The following GNAZ variants were observed in gnomAD, a reference collection of about 807,000 sequenced individuals.
The protein encoded by GNAZ is guanine nucleotide-binding protein G(z) subunit alpha.
In GNAZ, 3 loss-of-function variants were observed where a neutral mutation model predicts 25.4. The observed-to-expected ratio is 0.12, with a 90% confidence interval of 0.05 to 0.30. The LOEUF is 0.30. GNAZ is among the 10% of genes least tolerant of loss of function. The pLI, the probability that GNAZ is intolerant of heterozygous loss-of-function variation, is 1.00. For synonymous variants in GNAZ, 211 were observed against 205.7 expected (o/e 1.03, Z -0.22); for missense variants, 241 against 501.8 (o/e 0.48, Z 4.97).
chr22:23,115,508 T>G (rs948484040), intron 2 of GNAZ, among the ~76,000 whole-genome samples: 3 of 152,070 alleles, frequency 2.0e-5, no homozygotes, highest in Non-Finnish European at 4.4e-5. Flanking sequence ...GCGTCTGGCC[T>G]CCTGGAGGGG....
At chr22:23,116,897 A>C (rs1284925686) in intron 2 of GNAZ, among the ~76,000 whole-genome samples, 1 of 152,104 alleles carries the variant, frequency 6.6e-6, no homozygotes, top group Non-Finnish European at 1.5e-5. Flanking sequence ...TGGGAGGGGG[A>C]CAGGCCCCTG....
intron 2 of GNAZ, among the ~76,000 whole-genome samples, chr22:23,097,751 T>C (rs1042439453): frequency 6.6e-6 from 1 of 152,228 alleles, no homozygotes; most frequent in Non-Finnish European, 1.5e-5. Flanking sequence ...TGATGAGGCA[T>C]GGCCGTGGGC....
At chr22:23,094,544 A>G (rs776512791) in intron 1 of GNAZ, among the ~76,000 whole-genome samples, 1 of 152,196 alleles carries the variant, frequency 6.6e-6, no homozygotes, top group Non-Finnish European at 1.5e-5. Context: ...CACCACGTGC[A>G]GCCCCCAGCT....
intron 1 of GNAZ, among the ~76,000 whole-genome samples, chr22:23,078,487 C>A (rs1313538521): frequency 6.7e-6 from 1 of 148,588 alleles, no homozygotes; most frequent in Non-Finnish European, 1.5e-5. Flanking sequence ...ACTGACACCC[C>A]CATCTCTGTC....
chr22:23,121,809 C>A (rs2070036537), intron 2 of GNAZ, among the ~76,000 whole-genome samples: 1 of 151,452 alleles, frequency 6.6e-6, no homozygotes, highest in African/African-American at 2.4e-5. Context: ...GCAACCTCCA[C>A]CTCCCGGGTT....
At chr22:23,110,362 C>T (rs946465617) in intron 2 of GNAZ, among the ~76,000 whole-genome samples, 1 of 152,160 alleles carries the variant, frequency 6.6e-6, no homozygotes, top group Non-Finnish European at 1.5e-5. Flanking sequence ...TCCAGACTGA[C>T]GAGGCCACAG....
In GNAZ at chr22:23,095,927, A is replaced by C. The variant is rs147402483; in HGVS notation, c.232A>C (p.Ile78Leu). 21 of 1,613,314 alleles carry C rather than the reference A, an allele frequency of 1.3e-5. No homozygotes were observed. The highest frequency in any genetic ancestry group is 1.7e-5 in the Non-Finnish European group (20 of 1,180,034). ...CAAGCCCCTCATCATCTACAATGCCATCGACTCGCTGACCCGCATCATCCG... is the reference window on the plus strand; with the variant it reads ...CAAGCCCCTCATCATCTACAATGCCCTCGACTCGCTGACCCGCATCATCCG... ...EYKPLIIYNA[I>L]DSLTRIIRAL... The change falls in exon 2 of 3, where the codon ATC (isoleucine) becomes CTC (leucine). Residue 78 changes from isoleucine to leucine, a missense_variant. Physicochemically the swap from Ile to Leu is conservative, Grantham distance 5. Coordinates refer to ENST00000615612, the MANE Select transcript of GNAZ (RefSeq NM_002073.4).
chr22:23,095,316 C>T lies in GNAZ; in HGVS notation c.-380C>T. 2 of 251,522 alleles carry T rather than the reference C, an allele frequency of 8.0e-6. No individual in the cohort carries two copies. Among genetic ancestry groups the T allele is most frequent in the Non-Finnish European group, 1.6e-5 (2 of 128,528 alleles). The allele number at this position is 251,522 out of a possible 1,614,324, so 15.6% of individuals were successfully genotyped here. A position where few individuals can be genotyped will look rare whatever the true frequency, so the allele number is the denominator to read the frequency against. ...AGGGAGCACACCAGCGACCGGCCCT[C>T]CAACCCTCCAGCCACTCAGCAACAT... On this transcript the variant is annotated 5_prime_UTR_variant, in exon 2 of 3. Transcript: ENST00000615612.
chr22:23,093,722 C>G (rs1473624076), intron 1 of GNAZ, among the ~76,000 whole-genome samples: 1 of 152,148 alleles, frequency 6.6e-6, no homozygotes, highest in Non-Finnish European at 1.5e-5. Flanking sequence ...GAGAGGCAAG[C>G]AAGGCATGAA....
chr22:23,115,321 G>A (rs1017459349), intron 2 of GNAZ, among the ~76,000 whole-genome samples: 1 of 152,222 alleles, frequency 6.6e-6, no homozygotes, highest in Non-Finnish European at 1.5e-5. Flanking sequence ...GTAGGTGTTT[G>A]CATGTGGTTG....
chr22:23,098,346 C>G (rs2069184877), intron 2 of GNAZ, among the ~76,000 whole-genome samples: 1 of 152,270 alleles, frequency 6.6e-6, no homozygotes, highest in Admixed American at 6.5e-5. Flanking sequence ...CACCTGCTTA[C>G]TCCTCCATCT....
chr22:23,117,505 C>T (rs1339081614), intron 2 of GNAZ, among the ~76,000 whole-genome samples: 1 of 152,218 alleles, frequency 6.6e-6, no homozygotes, highest in Non-Finnish European at 1.5e-5. Flanking sequence ...GGGTAGCCTT[C>T]CCTCAGCTGC....
At chr22:23,096,818 T>A (rs1428813454) in intron 2 of GNAZ, among the ~76,000 whole-genome samples, 1 of 152,038 alleles carries the variant, frequency 6.6e-6, no homozygotes, top group Non-Finnish European at 1.5e-5. Flanking sequence ...AGAGATGGGG[T>A]TAAGAGCTGT....
At chr22:23,075,575 ACT>A in intron 1 of GNAZ, among the ~76,000 whole-genome samples, 1 of 152,196 alleles carries the variant, frequency 6.6e-6, no homozygotes, top group East Asian at 1.9e-4. Context: ...TTAAGGTATA[ACT>A]CTCTTTTAGA....
In GNAZ at chr22:23,091,473, G is replaced by A. The variant is rs534585387; in HGVS notation, c.-449-3774G>A. Among the ~76,000 whole-genome samples, 13 of 147,286 alleles carry A rather than the reference G, an allele frequency of 8.8e-5. 1 individual carries two copies. Among genetic ancestry groups the A allele is most frequent in the Non-Finnish European group, 1.3e-4 (9 of 67,246 alleles). On this transcript the variant is annotated intron_variant, in intron 1 of 2. Transcript: ENST00000615612. ...GGTCCTATGCATACACACACACACC[G>A]CAATGGACCTGCACACACACAGGGA... is the stretch of plus-strand genomic sequence containing the variant.
chr22:23,104,883 G>A (rs2069414753), intron 2 of GNAZ, among the ~76,000 whole-genome samples: 1 of 152,228 alleles, frequency 6.6e-6, no homozygotes, highest in Admixed American at 6.5e-5. Context: ...GTCAGCTAGG[G>A]TGCATGGCCC....
At chr22:23,099,594 T>C (rs898423906) in intron 2 of GNAZ, among the ~76,000 whole-genome samples, 1 of 152,214 alleles carries the variant, frequency 6.6e-6, no homozygotes, top group African/African-American at 2.4e-5. Flanking sequence ...CAGCTGGCGC[T>C]GGCGGGCCCC....
chr22:23,073,108 G>A (rs776966609), intron 1 of GNAZ, among the ~76,000 whole-genome samples: 2 of 152,218 alleles, frequency 1.3e-5, no homozygotes, highest in Non-Finnish European at 2.9e-5. Context: ...TCTGTCCCAC[G>A]CTAGCCTCAG....
At chr22:23,090,084 A>C (rs1601780287) in intron 1 of GNAZ, among the ~76,000 whole-genome samples, 1 of 152,264 alleles carries the variant, frequency 6.6e-6, no homozygotes, top group East Asian at 1.9e-4. Context: ...GGCGGGGGCC[A>C]GGGACTGGAT....
Sources: gnomAD v4.1 joint callset for allele counts (sites outside exome capture counted in the v4.1 genomes callset) on GRCh38, gnomAD v4.1.1 for gene constraint, MANE v1.5 for transcripts, NCBI Gene and HGNC (gene_info 2026-07-23, HGNC 2026-07-21) for gene names.